REPS1: variants seen among roughly 807,000 people sequenced by gnomAD.
REPS1 encodes the protein RALBP1 associated Eps domain containing 1.
REPS1 carries 39 observed loss-of-function variants against 100.9 expected under a neutral mutation model. That is an observed-to-expected ratio of 0.39 (90% CI 0.30 to 0.50). REPS1 has a LOEUF of 0.50. Among genes scored for constraint, REPS1 ranks in the 20% least tolerant of loss-of-function variants. REPS1 has a pLI of 0.86. For synonymous variants in REPS1, 324 were observed against 340.3 expected, an observed-to-expected ratio of 0.95 and a Z score of 0.53; for missense variants, 821 against 968.5, an observed-to-expected ratio of 0.85 and a Z score of 2.02.
rs758743740 is a variant in REPS1, at chr6:138,943,515, A to T, written c.978T>A (p.Ile326=). 2.4e-5 allele frequency: 38 copies of T among 1,576,824 alleles called. No homozygotes were observed. The highest frequency in any genetic ancestry group is 2.3e-4 in the South Asian group (21 of 90,036). ...SKLPILELSH[I]WELSDFDKDG... ...AACTAATGATATACCACACTTACCA[A>T]ATATGAGAAAGTTCAAGAATAGGAA... The change falls in exon 7 of 20, where the codon ATT becomes ATA. Residue 326 remains isoleucine (I), a splice_region_variant and synonymous_variant. Transcript: ENST00000450536.
At chr6:138,968,133 G>A (rs954058759) in intron 1 of REPS1, among the ~76,000 whole-genome samples, 16 of 152,100 alleles carry the variant, frequency 1.1e-4, no homozygotes, top group African/African-American at 2.9e-4. Context: ...AATGTGTATC[G>A]CTTTCACACC....
At chr6:138,906,987 T>C (rs1329353446) in intron 19 of REPS1, among the ~76,000 whole-genome samples, 2 of 152,172 alleles carry the variant, frequency 1.3e-5, no homozygotes, top group Admixed American at 6.5e-5. Context: ...AAAGAAATTA[T>C]AGTTACTAGA....
chr6:138,956,289 A>G (rs1783383804), intron 1 of REPS1, among the ~76,000 whole-genome samples: 1 of 152,140 alleles, frequency 6.6e-6, no homozygotes, highest in South Asian at 2.1e-4. Context: ...GACTAATGAA[A>G]TAAGGTAGAA....
At chr6:138,914,073 ATTTTG>A (rs1356839028) in intron 15 of REPS1, among the ~76,000 whole-genome samples, 1 of 151,894 alleles carries the variant, frequency 6.6e-6, no homozygotes, top group Admixed American at 6.6e-5. Flanking sequence ...ATTTAGGGGT[ATTTTG>A]TTTTGTTTTG....
intron 8 of REPS1, 55 bp downstream of exon 8, chr6:138,941,280 C>T (rs958919325): frequency 1.3e-6 from 2 of 1,569,286 alleles, no homozygotes; most frequent in Admixed American, 1.7e-5. Context: ...CTTTCAGAAT[C>T]AAGCATTATG....
At position 138,905,069 on chromosome 6, in the gene REPS1, G is replaced by C. The variant is rs754456587; in HGVS notation, c.2386C>G (p.Leu796Val). Residue 796 changes from leucine (L) to valine (V), a missense_variant, in exon 20 of 20, where the codon CTA becomes GTA. Physicochemically the swap from Leu to Val is conservative, Grantham distance 32. Transcript: ENST00000450536. ...CACAGTTAACGGCAATTGGCTTATAGGTGAGAGAATGGTCGAAGTTGTTCC... is the reference window on the plus strand; with the variant it reads ...CACAGTTAACGGCAATTGGCTTATACGTGAGAGAATGGTCGAAGTTGTTCC... ...QLEQLRPFSH[L>V] 9.3e-6 allele frequency: 15 copies of C among 1,613,886 alleles called. No homozygotes were observed. The highest frequency in any genetic ancestry group is 1.1e-5 in the Non-Finnish European group (13 of 1,179,846).
At chr6:138,956,116 C>T (rs1317579374) in intron 1 of REPS1, among the ~76,000 whole-genome samples, 1 of 152,122 alleles carries the variant, frequency 6.6e-6, no homozygotes, top group East Asian at 1.9e-4. Context: ...AGGACGCTCT[C>T]ATGTCTTCCT....
rs1033171674 is a variant in REPS1, at chr6:138,980,694, G to C, written c.153+6836C>G. On this transcript the variant is annotated intron_variant, in intron 1 of 19. Transcript: ENST00000450536. ...TTTTTTGTGGGTGGGGCGGGGGGGG[G>C]GGGGAACGGAGACTTGCTCTGTCAC... 1.3e-3 allele frequency among the ~76,000 whole-genome samples: 176 copies of C among 136,248 alleles called. 10 individuals carry two copies. The East Asian group carries it at 0.028, about 22-fold the overall frequency. 89.4% of individuals were successfully genotyped at this position (136,248 alleles called of 152,430 possible). A position where few individuals can be genotyped will look rare whatever the true frequency, so the allele number is the denominator to read the frequency against.
At chr6:138,943,461 G>C in intron 7 of REPS1, 52 bp downstream of exon 7, 1 of 1,122,622 alleles carries the variant, frequency 8.9e-7, no homozygotes, top group Non-Finnish European at 1.3e-6. Flanking sequence ...CTATCTGCTA[G>C]AAACTCCTTG....
intron 17 of REPS1, chr6:138,910,959 G>C (rs188506984): frequency 5.5e-6 from 1 of 183,376 alleles, no homozygotes; most frequent in East Asian, 1.3e-4. Context: ...CAACCTTAGA[G>C]GGCTGATAAT....
At chr6:138,986,422 T>C (rs1317908070) in intron 1 of REPS1, among the ~76,000 whole-genome samples, 1 of 152,230 alleles carries the variant, frequency 6.6e-6, no homozygotes, top group Non-Finnish European at 1.5e-5. Context: ...CACAGAATTT[T>C]TGTTGGAAGA....
At chr6:138,920,775 G>A (rs529368103) in intron 11 of REPS1, among the ~76,000 whole-genome samples, 12 of 152,122 alleles carry the variant, frequency 7.9e-5, no homozygotes, top group African/African-American at 1.4e-4. Flanking sequence ...TATTTTAAAC[G>A]TAAATTTACA....
intron 2 of REPS1, 78 bp from the exon 3 acceptor site, chr6:138,945,775 G>A (rs1329631017): frequency 8.4e-7 from 1 of 1,184,708 alleles, no homozygotes; most frequent in Non-Finnish European, 1.1e-6. Context: ...ACATGAATTA[G>A]ATATTAGAAT....
At chr6:138,946,708 T>C (rs1052646230) in intron 2 of REPS1, among the ~76,000 whole-genome samples, 2 of 152,242 alleles carry the variant, frequency 1.3e-5, no homozygotes, top group Non-Finnish European at 2.9e-5. Flanking sequence ...GAAATTTTTC[T>C]GTACAGATTA....
chr6:138,976,623 G>A (rs1784616263), intron 1 of REPS1, among the ~76,000 whole-genome samples: 1 of 152,140 alleles, frequency 6.6e-6, no homozygotes, highest in African/African-American at 2.4e-5. Flanking sequence ...ATAATATTAA[G>A]ATATCTGAGT....
intron 1 of REPS1, among the ~76,000 whole-genome samples, chr6:138,968,867 A>G (rs1784158783): frequency 6.6e-6 from 1 of 152,158 alleles, no homozygotes; most frequent in African/African-American, 2.4e-5. Context: ...ACTAGCCCCA[A>G]GCTGCAACTT....
Position 138,914,682 on chromosome 6 carries a change from A to G in REPS1, c.1785+15T>C. The G allele has an allele frequency of 6.2e-7, 1 of 1,603,860 alleles. No homozygotes were observed. The highest frequency in any genetic ancestry group is 2.2e-5 in the East Asian group (1 of 44,806). ...GATCATGGGACATTTAGTAATAAAT[A>G]CCTTGGAGAATTACCTGTGAGGGCT... On this transcript the variant is annotated intron_variant, in intron 15 of 19. Coordinates refer to ENST00000450536, the MANE Select transcript of REPS1 (RefSeq NM_001286611.2).
intron 1 of REPS1, among the ~76,000 whole-genome samples, chr6:138,953,083 C>T (rs1322335605): frequency 5.3e-5 from 8 of 151,788 alleles, no homozygotes; most frequent in African/African-American, 1.5e-4. Flanking sequence ...GTGATCTGCC[C>T]GCCTCAGCCT....
intron 1 of REPS1, among the ~76,000 whole-genome samples, chr6:138,980,375 T>C (rs1405915136): frequency 6.6e-6 from 1 of 152,216 alleles, no homozygotes; most frequent in Non-Finnish European, 1.5e-5. Flanking sequence ...ACTTTTAGTA[T>C]ATTTCCACTA....
Sources: allele counts gnomAD v4.1 joint callset (sites outside exome capture counted in the v4.1 genomes callset), GRCh38; gene constraint gnomAD v4.1.1; transcripts MANE v1.5; gene names NCBI Gene and HGNC (gene_info 2026-07-23, HGNC 2026-07-21).